Variants in PRLR observed in about 807,000 individuals in gnomAD.
The protein encoded by PRLR is hPRL receptor.
Under a neutral mutation model 40.2 loss-of-function variants are expected in PRLR, and 13 were observed. The observed-to-expected ratio is 0.32, with a 90% CI of 0.21 to 0.51. PRLR has a LOEUF of 0.51. PRLR is among the 20% of genes least tolerant of loss of function. The probability of loss-of-function intolerance (pLI) is 0.97; values close to 1 mark genes in which losing one functional copy is unlikely to be tolerated. For synonymous variants in PRLR, 269 were observed against 278.7 expected (o/e 0.97, Z 0.35); for missense variants, 656 against 747.3 (o/e 0.88, Z 1.42).
chr5:35,220,207 T>C (rs1229213437), intron 1 of PRLR, among the ~76,000 whole-genome samples: 1 of 152,210 alleles, frequency 6.6e-6, no homozygotes, highest in Non-Finnish European at 1.5e-5. Context: ...CTCAAAGCAC[T>C]TAACAGCCTA....
At position 35,086,277 on chromosome 5, in the gene PRLR, G is replaced by A. The variant is rs750586152; in HGVS notation, c.134C>T (p.Thr45Ile). 3 of 1,614,044 alleles carry A rather than the reference G, an allele frequency of 1.9e-6. No individual in the cohort carries two copies. Among genetic ancestry groups the A allele is most frequent in the South Asian group, 1.1e-5 (1 of 91,066 alleles). Residue 45 changes from threonine to isoleucine, a missense_variant, in exon 4 of 10, where the codon ACC becomes ATC. Physicochemically the swap from Thr to Ile is moderately conservative, Grantham distance 89 (BLOSUM62 -1). Transcript: ENST00000618457. ...ATCTGTCCCAGGCCTCCACCAGCAG[G>A]TGAATGTTTCCTTATTGGGAGAACG... The part of the protein sequence containing the change: ...KCRSPNKETF[T>I]CWWRPGTDGG...
intron 2 of PRLR, among the ~76,000 whole-genome samples, chr5:35,095,492 C>T (rs1385143945): frequency 1.3e-5 from 2 of 152,180 alleles, no homozygotes; most frequent in Non-Finnish European, 2.9e-5. Flanking sequence ...TTCAGGAAGA[C>T]ATTGAAAACT....
intron 1 of PRLR, among the ~76,000 whole-genome samples, chr5:35,151,875 A>T (rs1774351866): frequency 6.6e-6 from 1 of 152,114 alleles, no homozygotes; most frequent in Non-Finnish European, 1.5e-5. Context: ...TTCCTAACTC[A>T]CAGAACTTGT....
intron 2 of PRLR, among the ~76,000 whole-genome samples, chr5:35,090,931 C>T (rs1000879939): frequency 2.4e-4 from 37 of 151,372 alleles, no homozygotes; most frequent in African/African-American, 9.0e-4. Flanking sequence ...CTGCCTCGGC[C>T]TCCCGAGTAG....
intron 1 of PRLR, among the ~76,000 whole-genome samples, chr5:35,213,081 CA>C (rs765683109): frequency 2.6e-5 from 4 of 152,142 alleles, no homozygotes; most frequent in Non-Finnish European, 5.9e-5. Flanking sequence ...CTTGAATAAT[CA>C]GAGCTACCTA....
chr5:35,087,927 A>G (rs1247196334), intron 3 of PRLR, among the ~76,000 whole-genome samples: 2 of 152,216 alleles, frequency 1.3e-5, no homozygotes, highest in African/African-American at 4.8e-5. Flanking sequence ...TCAGGAGCAG[A>G]GAGGAGCGCT....
chr5:35,113,416 T>A (rs1427897240), intron 2 of PRLR, among the ~76,000 whole-genome samples: 2 of 138,530 alleles, frequency 1.4e-5, no homozygotes, highest in Non-Finnish European at 3.1e-5. Context: ...CATCCATCCA[T>A]CCATCCACCC....
chr5:35,086,452 G>A, intron 3 of PRLR, 112 bp from the exon 4 acceptor site: 1 of 1,351,790 alleles, frequency 7.4e-7, no homozygotes, highest in Non-Finnish European at 1.0e-6. Context: ...GAAGTCTCAG[G>A]CTGAGGAGAC....
chr5:35,069,454 T>C (rs1308893883), intron 7 of PRLR, among the ~76,000 whole-genome samples: 1 of 152,216 alleles, frequency 6.6e-6, no homozygotes, highest in Non-Finnish European at 1.5e-5. Flanking sequence ...CCCGATACTT[T>C]GGTCAGGCAA....
At chr5:35,098,459 G>A (rs193015758) in intron 2 of PRLR, among the ~76,000 whole-genome samples, 4 of 152,146 alleles carry the variant, frequency 2.6e-5, no homozygotes, top group African/African-American at 9.7e-5. Flanking sequence ...GAGATGTCAC[G>A]GTTGTTTGTT....
At chr5:35,108,695 A>C (rs1772436781) in intron 2 of PRLR, among the ~76,000 whole-genome samples, 2 of 152,206 alleles carry the variant, frequency 1.3e-5, no homozygotes, top group South Asian at 4.1e-4. Flanking sequence ...ACTACAAACC[A>C]CTGCTCCATG....
intron 1 of PRLR, among the ~76,000 whole-genome samples, chr5:35,169,429 A>C (rs2111936983): frequency 6.6e-6 from 1 of 152,354 alleles, no homozygotes; most frequent in South Asian, 2.1e-4. Context: ...AGAATGGCCC[A>C]GGAAATCTCA....
At chr5:35,049,303 A>G in exon 9 of PRLR, 1 of 703,354 alleles carries the variant, frequency 1.4e-6, no homozygotes, top group Non-Finnish European at 2.6e-6. Flanking sequence ...GACTGTGGTC[A>G]ATGTTGCCTT....
At chr5:35,089,437 A>G (rs962895677) in intron 3 of PRLR, 114 bp downstream of exon 3, 1 of 758,084 alleles carries the variant, frequency 1.3e-6, no homozygotes, top group Admixed American at 2.3e-5. Flanking sequence ...ACAGCAGCAC[A>G]TAACACAGCA....
At chr5:35,200,805 C>G (rs1775862096) in intron 1 of PRLR, among the ~76,000 whole-genome samples, 1 of 152,102 alleles carries the variant, frequency 6.6e-6, no homozygotes, top group Non-Finnish European at 1.5e-5. Context: ...AGCACCAGTC[C>G]CATTTTATAA....
chr5:35,105,874 A>G (rs1247598373), intron 2 of PRLR, among the ~76,000 whole-genome samples: 1 of 152,190 alleles, frequency 6.6e-6, no homozygotes, highest in East Asian at 1.9e-4. Context: ...AAATACAGAG[A>G]ACGCCACAAA....
chr5:35,104,428 C>T (rs1331256207), intron 2 of PRLR, among the ~76,000 whole-genome samples: 1 of 152,104 alleles, frequency 6.6e-6, no homozygotes, highest in African/African-American at 2.4e-5. Flanking sequence ...GGTGCATCGC[C>T]TCACCCGGGA....
intron 2 of PRLR, among the ~76,000 whole-genome samples, chr5:35,093,274 G>C (rs920548864): frequency 2.0e-5 from 3 of 152,152 alleles, no homozygotes; most frequent in Non-Finnish European, 2.9e-5. Context: ...CCTCATGAGA[G>C]TTAAAAATAA....
chr5:35,198,567 G>C (rs549226395), intron 1 of PRLR, among the ~76,000 whole-genome samples: 1 of 152,040 alleles, frequency 6.6e-6, no homozygotes, highest in Non-Finnish European at 1.5e-5. Context: ...TAGTTTCTTC[G>C]CTCTGCTATT....
Sources: gnomAD v4.1 joint callset for allele counts (sites outside exome capture counted in the v4.1 genomes callset) on GRCh38, gnomAD v4.1.1 for gene constraint, MANE v1.5 for transcripts, NCBI Gene and HGNC (gene_info 2026-07-23, HGNC 2026-07-21) for gene names.